ATP8A2: variants seen among roughly 807,000 people sequenced by gnomAD.
ATP8A2 encodes phospholipid-transporting ATPase IB.
In ATP8A2, 100 loss-of-function variants were observed where a neutral mutation model predicts 165.6. The ratio of observed to expected loss-of-function variants is 0.60; its 90% CI spans 0.51 to 0.71. The LOEUF (loss-of-function observed/expected upper bound fraction) is 0.71. ATP8A2 is among the 30% of genes least tolerant of loss of function. ATP8A2 has a pLI of 0.00. For synonymous variants in ATP8A2, 543 were observed against 548.8 expected, an observed-to-expected ratio of 0.99 and a Z score of 0.15; for missense variants, 1,227 against 1,479.5, an observed-to-expected ratio of 0.83 and a Z score of 2.80.
At chr13:25,412,861 C>T (rs765301346) in intron 1 of ATP8A2, among the ~76,000 whole-genome samples, 9 of 152,186 alleles carry the variant, frequency 5.9e-5, no homozygotes, top group Non-Finnish European at 1.0e-4. Flanking sequence ...TGCTCTGTTG[C>T]CCAGGCTGGA....
At chr13:25,399,870 C>T (rs930445460) in intron 1 of ATP8A2, among the ~76,000 whole-genome samples, 4 of 150,926 alleles carry the variant, frequency 2.7e-5, no homozygotes, top group East Asian at 2.0e-4. Flanking sequence ...TCATCTTCTT[C>T]TTCTTCCTCT....
At chr13:25,618,616 G>T (rs1005718329) in intron 24 of ATP8A2, among the ~76,000 whole-genome samples, 11 of 149,714 alleles carry the variant, frequency 7.3e-5, no homozygotes, top group Non-Finnish European at 1.3e-4. Flanking sequence ...ATTAATGGCA[G>T]TAAACTTTTT....
At chr13:25,898,306 G>T (rs1172995020) in intron 33 of ATP8A2, among the ~76,000 whole-genome samples, 1 of 152,316 alleles carries the variant, frequency 6.6e-6, no homozygotes, top group Non-Finnish European at 1.5e-5. Context: ...GACCCTGTTT[G>T]CCTACGTATC....
At chr13:25,439,357 C>A (rs2034868320) in intron 1 of ATP8A2, among the ~76,000 whole-genome samples, 1 of 152,174 alleles carries the variant, frequency 6.6e-6, no homozygotes, top group African/African-American at 2.4e-5. Context: ...GAGCTTTGCT[C>A]ACCCTCCCGT....
chr13:25,791,608 C>CCTGGAAGTTG (rs1413125835), intron 27 of ATP8A2, among the ~76,000 whole-genome samples: 1 of 150,584 alleles, frequency 6.6e-6, no homozygotes, highest in Non-Finnish European at 1.5e-5. Context: ...GTCCACTCTG[C>CCTGGAAGTTG]CTGGAAGTTG....
At chr13:25,487,203 A>G (rs1017119877) in intron 2 of ATP8A2, among the ~76,000 whole-genome samples, 5 of 152,110 alleles carry the variant, frequency 3.3e-5, no homozygotes, top group Non-Finnish European at 5.9e-5. Flanking sequence ...TTTGCTTTCC[A>G]GTTCTCGTTC....
intron 24 of ATP8A2, among the ~76,000 whole-genome samples, chr13:25,590,327 A>G (rs2040036238): frequency 6.6e-6 from 1 of 152,280 alleles, no homozygotes; most frequent in Non-Finnish European, 1.5e-5. Context: ...TGGGAGGCTG[A>G]GGCTGGAGAA....
intron 1 of ATP8A2, among the ~76,000 whole-genome samples, chr13:25,397,697 C>T (rs2033476462): frequency 6.6e-6 from 1 of 152,202 alleles, no homozygotes; most frequent in African/African-American, 2.4e-5. Flanking sequence ...CTGTGACAGC[C>T]TCATCAGGTC....
At chr13:25,481,564 A>G (rs1261515994) in intron 2 of ATP8A2, among the ~76,000 whole-genome samples, 1 of 152,192 alleles carries the variant, frequency 6.6e-6, no homozygotes, top group Non-Finnish European at 1.5e-5. Context: ...TGAAATGTGT[A>G]GTAGTAAGGA....
chr13:25,895,276 C>T (rs1953500613), intron 33 of ATP8A2, among the ~76,000 whole-genome samples: 1 of 152,126 alleles, frequency 6.6e-6, no homozygotes, highest in Admixed American at 6.5e-5. Context: ...GCCTTTTCTG[C>T]ATCTATTGAG....
intron 35 of ATP8A2, among the ~76,000 whole-genome samples, chr13:26,003,397 T>C (rs1260595239): frequency 6.6e-6 from 1 of 152,098 alleles, no homozygotes; most frequent in Non-Finnish European, 1.5e-5. Context: ...TTGATATTGT[T>C]TGTGTTCCTT....
At chr13:25,465,670 T>TTCCTTC (rs1566152963) in intron 1 of ATP8A2, among the ~76,000 whole-genome samples, 1 of 10,420 alleles carries the variant, frequency 9.6e-5, no homozygotes, top group African/African-American at 2.2e-4. Context: ...GAGTTTTCTT[T>TTCCTTC]CTTTCTTTCT....
At chr13:25,859,179 G>C (rs1482487576) in intron 30 of ATP8A2, among the ~76,000 whole-genome samples, 2 of 151,854 alleles carry the variant, frequency 1.3e-5, no homozygotes, top group African/African-American at 4.8e-5. Context: ...TCCAGCCTGG[G>C]CGACAGACCG....
At chr13:25,790,732 A>T (rs1252823241) in intron 27 of ATP8A2, among the ~76,000 whole-genome samples, 3 of 151,916 alleles carry the variant, frequency 2.0e-5, no homozygotes, top group Non-Finnish European at 4.4e-5. Flanking sequence ...ATAAACAGAC[A>T]CTTTTCAAAA....
chr13:25,440,070 A>G (rs1357774682), intron 1 of ATP8A2, among the ~76,000 whole-genome samples: 1 of 151,984 alleles, frequency 6.6e-6, no homozygotes, highest in Non-Finnish European at 1.5e-5. Context: ...TTCTTCTTAT[A>G]TGATCTGGAG....
intron 24 of ATP8A2, among the ~76,000 whole-genome samples, chr13:25,597,183 T>C (rs2040258124): frequency 1.3e-5 from 2 of 152,196 alleles, no homozygotes; most frequent in African/African-American, 2.4e-5. Flanking sequence ...TAGATGTCTG[T>C]TGCAAATTTT....
chr13:25,531,135 G>GTATATATATA (rs1269183891), intron 4 of ATP8A2, among the ~76,000 whole-genome samples: 32 of 68,588 alleles, frequency 4.7e-4, no homozygotes, highest in African/African-American at 1.5e-3. Flanking sequence ...TTGTGTGTGT[G>GTATATATATA]TGTATATATA....
chr13:26,001,007 T>C (rs1378611545), intron 35 of ATP8A2, among the ~76,000 whole-genome samples: 2 of 152,186 alleles, frequency 1.3e-5, no homozygotes, highest in South Asian at 2.1e-4. Context: ...GGGAACCCCA[T>C]ATGTGTGACG....
At chr13:25,375,776 T>C (rs989552136) in intron 1 of ATP8A2, among the ~76,000 whole-genome samples, 1 of 152,018 alleles carries the variant, frequency 6.6e-6, no homozygotes, top group Admixed American at 6.6e-5. Context: ...TTTCACCATG[T>C]TGGCCAGGAT....
Sources: allele counts gnomAD v4.1 joint callset (sites outside exome capture counted in the v4.1 genomes callset), GRCh38; gene constraint gnomAD v4.1.1; transcripts MANE v1.5; gene names NCBI Gene and HGNC (gene_info 2026-07-23, HGNC 2026-07-21).